Variants in TLN1 observed in about 807,000 individuals in gnomAD.
TLN1 encodes the protein talin-1.
TLN1 carries 56 observed loss-of-function variants against 292.3 expected under a neutral mutation model. The ratio of observed to expected loss-of-function variants is 0.19; its 90% CI spans 0.15 to 0.24. The LOEUF (loss-of-function observed/expected upper bound fraction) is 0.24. Among genes scored for constraint, TLN1 ranks in the 10% least tolerant of loss-of-function variants. The probability of loss-of-function intolerance (pLI) is 1.00; values close to 1 mark genes in which losing one functional copy is unlikely to be tolerated. For synonymous variants in TLN1, 1,119 were observed against 1,253.7 expected (o/e 0.89, Z 2.27); for missense variants, 2,433 against 3,248.2 (o/e 0.75, Z 6.10).
intron 33 of TLN1, among the ~76,000 whole-genome samples, chr9:35,709,521 T>G (rs540247274): frequency 6.6e-6 from 1 of 152,274 alleles, no homozygotes; most frequent in African/African-American, 2.4e-5. Context: ...GTTTTATACT[T>G]GATAATGTGG....
chr9:35,724,431 A>G lies in TLN1; in HGVS notation c.512-97T>C. On this transcript the variant is annotated intron_variant, in intron 5 of 56. Coordinates refer to ENST00000314888, the MANE Select transcript of TLN1 (RefSeq NM_006289.4). This position sits in a 1 kb window ranked among gnomAD's most constrained non-coding sequence, Gnocchi z 4.7. ...GCATTTCCTACCTCCCCTCACTTAA[A>G]TGTAAGTCCCATGAGTGTAGGACTT... The G allele has an allele frequency of 2.5e-6, 4 of 1,574,888 alleles. No individual in the cohort carries two copies. Among genetic ancestry groups the G allele is most frequent in the Non-Finnish European group, 3.5e-6 (4 of 1,151,950 alleles).
At position 35,717,844 on chromosome 9, in the gene TLN1, T is replaced by A; in HGVS notation, c.1996-58A>T. On this transcript the variant is annotated intron_variant, in intron 17 of 56. Transcript: ENST00000314888. The surrounding 1 kb of genome is among the most constrained non-coding windows in gnomAD (Gnocchi z 4.7). ...ATTGGGCTTGGGATTCACAGACACT[T>A]CTCAGAGGCGTAAGCTGCTTCATTA... The A allele has an allele frequency of 6.4e-7, 1 of 1,551,302 alleles. No individual in the cohort carries two copies. Among genetic ancestry groups the A allele is most frequent in the African/African-American group, 1.4e-5 (1 of 73,792 alleles).
Position 35,707,843 on chromosome 9 carries a change from T to C in TLN1, c.4520A>G (p.Asn1507Ser), listed in dbSNP as rs777707064. 11 of 1,614,140 alleles carry C rather than the reference T, an allele frequency of 6.8e-6. No individual in the cohort carries two copies. The highest frequency in any genetic ancestry group is 9.3e-6 in the Non-Finnish European group (11 of 1,180,034). The change falls in exon 35 of 57, where the codon AAC becomes AGC. Residue 1507 changes from asparagine to serine, a missense_variant. This residue lies in a region of TLN1 where 1,384 missense variants were observed against 1,699.6 expected (regional missense o/e 0.81). Coordinates refer to ENST00000314888, the MANE Select transcript of TLN1 (RefSeq NM_006289.4). The surrounding 1 kb of genome is among the most constrained non-coding windows in gnomAD (Gnocchi z 5.6). ...IVAKHTSALC[N>S]SCRLASARTT... ...ACGGGCAGAAGCCAGGCGACAGCTG[T>C]TACACAGTGCAGAGGTGTGTTTAGC... is the stretch of plus-strand genomic sequence containing the variant.
chr9:35,720,828 T>G lies in TLN1; in HGVS notation c.1190A>C (p.Asp397Ala). The G allele has an allele frequency of 6.2e-7, 1 of 1,614,032 alleles. No homozygotes were observed. The highest frequency in any genetic ancestry group is 8.5e-7 in the Non-Finnish European group (1 of 1,179,998). ...AGTGCTCACCTTCTTCAGGATGATA[T>G]CGATGTAGCCGGCAATGAGCTGTGC... Reference protein sequence around the residue: ...QIAQLIAGYIDIILKKKKSKD... With the variant: ...QIAQLIAGYIAIILKKKKSKD... The change falls in exon 11 of 57, where the codon GAT becomes GCT. Residue 397 changes from aspartate (D) to alanine (A), a missense_variant. Physicochemically the swap from Asp to Ala is moderately radical, Grantham distance 126. Transcript: ENST00000314888.
In TLN1 at chr9:35,698,015, C is replaced by T. The variant is rs779380079; in HGVS notation, c.7500+29G>A. On this transcript the variant is annotated intron_variant, in intron 56 of 56. Coordinates refer to ENST00000314888, the MANE Select transcript of TLN1 (RefSeq NM_006289.4). This position sits in a 1 kb window ranked among gnomAD's most constrained non-coding sequence, Gnocchi z 5.3. ...GGCAACATGACTGCCCTCCTGACAG[C>T]GTCCCTCAGCATCTGGGGTGAAGCT... 13 of 1,613,910 alleles carry T rather than the reference C, an allele frequency of 8.1e-6. No individual in the cohort carries two copies. In the Admixed American group the frequency reaches 1.2e-4, roughly 14 times the overall value.
At chr9:35,711,104 G>C in intron 30 of TLN1, 22 bp from the exon 31 acceptor site, 1 of 1,613,430 alleles carries the variant, frequency 6.2e-7, no homozygotes, top group Middle Eastern at 1.6e-4. Context: ...AGAAAGTTGA[G>C]TGAAAAGGTG....
chr9:35,697,450 C>A lies in TLN1; in HGVS notation c.*341G>T. The stretch of plus-strand genomic sequence containing the variant: ...TAGTATCAAAAAACGGTGAAGAGAG[C>A]TGATGAGGCTGTGGGGACTGGCCGG... On this transcript the variant is annotated 3_prime_UTR_variant, in exon 57 of 57. Coordinates refer to ENST00000314888, the MANE Select transcript of TLN1 (RefSeq NM_006289.4). 3.3e-6 allele frequency: 1 copy of A among 303,884 alleles called. No homozygotes were observed. The highest frequency in any genetic ancestry group is 6.2e-6 in the Non-Finnish European group (1 of 162,590). 18.8% of individuals were successfully genotyped at this position (303,884 alleles called of 1,614,324 possible).
chr9:35,706,788 G>C lies in TLN1; in HGVS notation c.5068C>G (p.Arg1690Gly). 10 of 1,613,812 alleles carry C rather than the reference G, an allele frequency of 6.2e-6. No homozygotes were observed. The highest frequency in any genetic ancestry group is 8.5e-6 in the Non-Finnish European group (10 of 1,179,976). ...LAAVSQQLAP[R>G]EGISQEALHT... ...CTCACCTCTTGAGAGATTCCCTCAC[G>C]GGGAGCAAGCTGCTGGCTGACTGCA... Residue 1690 changes from arginine (R) to glycine (G), a missense_variant, in exon 38 of 57, where the codon CGT becomes GGT. Physicochemically the swap from Arg to Gly is moderately radical, Grantham distance 125 (BLOSUM62 -2). Coordinates refer to ENST00000314888, the MANE Select transcript of TLN1 (RefSeq NM_006289.4). The surrounding 1 kb of genome is among the most constrained non-coding windows in gnomAD (Gnocchi z 4.2).
Position 35,732,129 on chromosome 9 carries a change from G to C in TLN1, c.-88C>G, listed in dbSNP as rs542000987. 2.0e-5 allele frequency: 3 copies of C among 153,262 alleles called. No individual in the cohort carries two copies. Among genetic ancestry groups the C allele is most frequent in the South Asian group, 1.8e-4 (1 of 5,646 alleles). The allele number at this position is 153,262 out of a possible 1,614,324, so 9.5% of individuals were successfully genotyped here. On this transcript the variant is annotated 5_prime_UTR_variant, in exon 1 of 57. Coordinates refer to ENST00000314888, the MANE Select transcript of TLN1 (RefSeq NM_006289.4). The surrounding 1 kb of genome is among the most constrained non-coding windows in gnomAD (Gnocchi z 5.1). Reference sequence around the variant, plus strand: ...CCGGCCCGCCGCCCCGCCGCTTCTCGGGTCGCCCTCGGGCTCCGGCCTCGC... The same window carrying C: ...CCGGCCCGCCGCCCCGCCGCTTCTCCGGTCGCCCTCGGGCTCCGGCCTCGC...
chr9:35,719,266 T>G lies in TLN1; in HGVS notation c.1704A>C (p.Thr568=). ...VNLTAGDPAE[T]DYTAVGCAVT... ...CTGCACAGCCCACTGCGGTATAGTC[T>G]GTCTCAGCAGGGTCCCCTAAGGGGA... The change falls in exon 16 of 57, where the codon ACA becomes ACC. Residue 568 remains threonine, a synonymous_variant. Transcript: ENST00000314888. This position sits in a 1 kb window ranked among gnomAD's most constrained non-coding sequence, Gnocchi z 4.6. 6.2e-7 allele frequency: 1 copy of G among 1,613,588 alleles called. No individual in the cohort carries two copies. Among genetic ancestry groups the G allele is most frequent in the Non-Finnish European group, 8.5e-7 (1 of 1,179,604 alleles).
At position 35,704,890 on chromosome 9, in the gene TLN1, C is replaced by T; in HGVS notation, c.5734-75G>A. ...ACCTTCACTGTGCTTGGAAAAGTCA[C>T]TAAGGACATAGAAAAAAACATGCAT... On this transcript the variant is annotated intron_variant, in intron 43 of 56. Coordinates refer to ENST00000314888, the MANE Select transcript of TLN1 (RefSeq NM_006289.4). The surrounding 1 kb of genome is among the most constrained non-coding windows in gnomAD (Gnocchi z 6.9). The T allele has an allele frequency of 6.8e-7, 1 of 1,480,692 alleles. No homozygotes were observed. Among genetic ancestry groups the T allele is most frequent in the Non-Finnish European group, 9.1e-7 (1 of 1,104,030 alleles). 91.7% of individuals were successfully genotyped at this position (1,480,692 alleles called of 1,614,324 possible).
intron 1 of TLN1, among the ~76,000 whole-genome samples, chr9:35,730,195 T>C (rs548004124): frequency 4.6e-5 from 3 of 65,554 alleles, no homozygotes; most frequent in Non-Finnish European, 8.6e-5. Flanking sequence ...TAAATCAGAC[T>C]GGGGTGGGGG....
At chr9:35,725,394 C>T (rs1825955576) in intron 2 of TLN1, 73 bp from the exon 3 acceptor site, 3 of 1,556,228 alleles carry the variant, frequency 1.9e-6, no homozygotes, top group East Asian at 2.3e-5. Context: ...CCATGTTGCC[C>T]CTGACTATTT....
Position 35,697,903 on chromosome 9 carries a change from T to G in TLN1, c.7514A>C (p.Gln2505Pro). The G allele has an allele frequency of 6.2e-7, 1 of 1,614,212 alleles. No individual in the cohort carries two copies. The highest frequency in any genetic ancestry group is 8.5e-7 in the Non-Finnish European group (1 of 1,180,026). Residue 2505 changes from glutamine (Q) to proline (P), a missense_variant, in exon 57 of 57, where the codon CAG (glutamine) becomes CCG (proline). Physicochemically the swap from Gln to Pro is moderately conservative, Grantham distance 76. Around this residue, in one of 7 missense-constraint regions of TLN1, gnomAD observed 141 missense variants for 248.5 expected, o/e 0.57. Coordinates refer to ENST00000314888, the MANE Select transcript of TLN1 (RefSeq NM_006289.4). ...VGGIAQIIAA[Q>P]EEMLRKEREL... ...TCGTTCCTTCCGAAGCATTTCTTCC[T>G]GTGCTGCGATGATCTGAGGGTGGAG... is the stretch of plus-strand genomic sequence containing the variant.
chr9:35,724,756 G>T lies in TLN1; in HGVS notation c.359-32C>A. ...AAGGAGATGGCTTGTTAGCTTCCCA[G>T]GTACTGCATCCATGCCTTTTGAGAG... On this transcript the variant is annotated intron_variant, in intron 4 of 56. Transcript: ENST00000314888. This position sits in a 1 kb window ranked among gnomAD's most constrained non-coding sequence, Gnocchi z 4.7. The T allele has an allele frequency of 6.2e-7, 1 of 1,613,820 alleles. No individual in the cohort carries two copies. The highest frequency in any genetic ancestry group is 2.2e-5 in the East Asian group (1 of 44,880).
rs1378580706 is a variant in TLN1, at chr9:35,720,215, T to C, written c.1288A>G (p.Thr430Ala). 3 of 1,588,656 alleles carry C rather than the reference T, an allele frequency of 1.9e-6. No individual in the cohort carries two copies. Among genetic ancestry groups the C allele is most frequent in the Non-Finnish European group, 2.6e-6 (3 of 1,168,412 alleles). ...LEDSVSPKKS[T>A]VLQQQYNRVG... Reference sequence around the variant, plus strand: ...CGGTTGTATTGCTGCTGCAGGACTGTTGACCTGTAGAGGGGTGAACTATTG... The same window carrying C: ...CGGTTGTATTGCTGCTGCAGGACTGCTGACCTGTAGAGGGGTGAACTATTG... Residue 430 changes from threonine to alanine, a missense_variant, in exon 13 of 57, where the codon ACA becomes GCA. Physicochemically the swap from Thr to Ala is moderately conservative, Grantham distance 58. Around this residue, in one of 7 missense-constraint regions of TLN1, gnomAD observed 617 missense variants for 770.6 expected, o/e 0.80. Transcript: ENST00000314888.
Position 35,706,332 on chromosome 9 carries a change from G to A in TLN1, c.5225C>T (p.Thr1742Ile), listed in dbSNP as rs1345526205. 1.2e-6 allele frequency: 2 copies of A among 1,612,352 alleles called. No homozygotes were observed. The highest frequency in any genetic ancestry group is 1.7e-6 in the Non-Finnish European group (2 of 1,178,998). ...GGAGGCAGCACCCACTGCAGCCAGGGTGAGCGGCTCAAAGTACTGCGCCAT... is the reference window on the plus strand; with the variant it reads ...GGAGGCAGCACCCACTGCAGCCAGGATGAGCGGCTCAAAGTACTGCGCCAT... ...SQMAQYFEPL[T>I]LAAVGAASKT... Residue 1742 changes from threonine to isoleucine, a missense_variant, in exon 40 of 57, where the codon ACC becomes ATC. By Grantham distance (89) the Thr-to-Ile change is moderately conservative. Transcript: ENST00000314888. This position sits in a 1 kb window ranked among gnomAD's most constrained non-coding sequence, Gnocchi z 4.2.
In TLN1 at chr9:35,719,653, G is replaced by A. The variant is rs781152405; in HGVS notation, c.1579-26C>T. 6.2e-7 allele frequency: 1 copy of A among 1,613,038 alleles called. No individual in the cohort carries two copies. The highest frequency in any genetic ancestry group is 1.1e-5 in the South Asian group (1 of 91,046). On this transcript the variant is annotated intron_variant, in intron 14 of 56. Transcript: ENST00000314888. The surrounding 1 kb of genome is among the most constrained non-coding windows in gnomAD (Gnocchi z 4.6). ...CTGAAAGAGAGAGGAAAAGCCTTCA[G>A]GATCTGCCCTGGTTTGGTTCACCTC... is the stretch of plus-strand genomic sequence containing the variant.
intron 47 of TLN1, 31 bp from the exon 48 acceptor site, chr9:35,703,707 A>AT (rs776687313): frequency 8.1e-6 from 13 of 1,614,064 alleles, no homozygotes; most frequent in Non-Finnish European, 1.1e-5. Flanking sequence ...AAGAGGAATG[A>AT]TTTTAAGGAA....
Sources: gnomAD v4.1 joint callset for allele counts (sites outside exome capture counted in the v4.1 genomes callset) on GRCh38, gnomAD v4.1.1 for gene constraint, gnomAD v4.1.1 regional missense constraint, Gnocchi (gnomAD v3.1) non-coding constraint, MANE v1.5 for transcripts, NCBI Gene and HGNC (gene_info 2026-07-23, HGNC 2026-07-21) for gene names.